The following CAPZA1 variants were observed in gnomAD, a reference collection of about 807,000 sequenced individuals.
CAPZA1 encodes capping actin protein of muscle Z-line subunit alpha 1.
In CAPZA1, 10 loss-of-function variants were observed where a neutral mutation model predicts 40.8. The ratio of observed to expected loss-of-function variants is 0.25; its 90% CI spans 0.15 to 0.42. The LOEUF (loss-of-function observed/expected upper bound fraction) is 0.42. Among genes scored for constraint, CAPZA1 ranks in the 10% least tolerant of loss-of-function variants. The pLI is 1.00. For missense variants in CAPZA1, 277 were observed against 353.8 expected (o/e 0.78, Z 1.74); for synonymous variants, 98 against 115.0 (o/e 0.85, Z 0.95).
intron 7 of CAPZA1, among the ~76,000 whole-genome samples, chr1:112,665,143 C>G (rs968688631): frequency 6.0e-5 from 9 of 150,648 alleles, no homozygotes; most frequent in African/African-American, 2.0e-4. Context: ...CTCCTGGTAG[C>G]ATAGACTAGA....
chr1:112,659,571 A>C, intron 6 of CAPZA1, 130 bp from the exon 7 acceptor site: 1 of 683,850 alleles, frequency 1.5e-6, no homozygotes, highest in Non-Finnish European at 2.5e-6. Context: ...TGGAAATGAC[A>C]GTTTCTCTCT....
chr1:112,667,145 G>A lies in CAPZA1; in HGVS notation c.657G>A (p.Ser219=), dbSNP rs753229151. Residue 219 remains serine (S), a splice_region_variant and synonymous_variant, in exon 8 of 10, where the codon TCG becomes TCA. Transcript: ENST00000263168. ...ATGTACAGGATTCACTAACTGTTTC[G>A]GTGAGTATGGAATATTTAGTGTCTG... ...HKDVQDSLTV[S]NEAQTAKEFI... 23 of 1,597,360 alleles carry A rather than the reference G, an allele frequency of 1.4e-5. No individual in the cohort carries two copies. In the Admixed American group the frequency reaches 2.0e-4, roughly 14 times the overall value.
intron 3 of CAPZA1, among the ~76,000 whole-genome samples, chr1:112,650,742 G>A (rs2932529): frequency 0.8 from 122,307 of 152,252 alleles, 49,519 homozygotes; most frequent in East Asian, 0.91. Context: ...TGGATGTTGA[G>A]TATCACCTAA....
intron 7 of CAPZA1, among the ~76,000 whole-genome samples, chr1:112,662,086 G>A (rs572253381): frequency 6.6e-6 from 1 of 152,250 alleles, no homozygotes; most frequent in Non-Finnish European, 1.5e-5. Flanking sequence ...CCTAGAAAAG[G>A]TCTTAGAACA....
intron 2 of CAPZA1, among the ~76,000 whole-genome samples, chr1:112,647,849 C>T (rs1671311897): frequency 6.6e-6 from 1 of 152,172 alleles, no homozygotes; most frequent in Admixed American, 6.5e-5. Flanking sequence ...TTACAACTTT[C>T]CATACTATCT....
intron 8 of CAPZA1, among the ~76,000 whole-genome samples, chr1:112,667,908 A>C (rs974166354): frequency 2.6e-5 from 4 of 152,048 alleles, no homozygotes; most frequent in African/African-American, 9.7e-5. Flanking sequence ...TACTTCTTTA[A>C]GTTATTAGAA....
At chr1:112,669,398 A>C (rs915792755) in intron 8 of CAPZA1, 145 bp from the exon 9 acceptor site, 1 of 674,666 alleles carries the variant, frequency 1.5e-6, no homozygotes, top group African/African-American at 1.8e-5. Flanking sequence ...TGTTGTGAGA[A>C]TCAAAGGAGG....
chr1:112,624,823 A>G (rs962441328), intron 1 of CAPZA1, among the ~76,000 whole-genome samples: 2 of 152,108 alleles, frequency 1.3e-5, no homozygotes, highest in Admixed American at 6.5e-5. Context: ...TTAATTAACT[A>G]TTTCAAACTC....
In CAPZA1 at chr1:112,667,105, T is replaced by G; in HGVS notation, c.617T>G (p.Leu206Trp). The G allele has an allele frequency of 6.2e-7, 1 of 1,612,802 alleles. No individual in the cohort carries two copies. The highest frequency in any genetic ancestry group is 8.5e-7 in the Non-Finnish European group (1 of 1,179,432). Residue 206 changes from leucine (L) to tryptophan (W), a missense_variant, in exon 8 of 10, where the codon TTG becomes TGG. Transcript: ENST00000263168. Reference protein sequence around the residue: ...VHYYEDGNVQLVSHKDVQDSL... With the variant: ...VHYYEDGNVQWVSHKDVQDSL... ...TATTATGAAGATGGCAATGTTCAGT[T>G]GGTTAGTCATAAAGATGTACAGGAT...
intron 7 of CAPZA1, among the ~76,000 whole-genome samples, chr1:112,662,818 G>A (rs888065074): frequency 3.9e-5 from 6 of 151,920 alleles, no homozygotes; most frequent in Non-Finnish European, 5.9e-5. Context: ...CTTTATTCTC[G>A]AACAAAAAGA....
In CAPZA1 at chr1:112,657,653, A is replaced by G. The variant is rs532052765; in HGVS notation, c.427-1369A>G. On this transcript the variant is annotated intron_variant, in intron 5 of 9. Coordinates refer to ENST00000263168, the MANE Select transcript of CAPZA1 (RefSeq NM_006135.3). ...TTTGCCCAGGCTGGCGTACAGTGGCATGATCTCAGCTCACTGCAACCTCCG... is the reference window on the plus strand; with the variant it reads ...TTTGCCCAGGCTGGCGTACAGTGGCGTGATCTCAGCTCACTGCAACCTCCG... Among the ~76,000 whole-genome samples the G allele has an allele frequency of 1.3e-4, 20 of 151,808 alleles. No individual in the cohort carries two copies. In the East Asian group the frequency reaches 1.4e-3, roughly 10 times the overall value.
At chr1:112,619,964 G>A (rs1670555337) in intron 1 of CAPZA1, 81 bp downstream of exon 1, 11 of 1,151,060 alleles carry the variant, frequency 9.6e-6, no homozygotes, top group Non-Finnish European at 8.9e-6. Flanking sequence ...GAGCCTAGCA[G>A]TGTCCCCAGG....
intron 1 of CAPZA1, among the ~76,000 whole-genome samples, chr1:112,622,453 C>T (rs1670695307): frequency 6.6e-6 from 1 of 152,150 alleles, no homozygotes; most frequent in Admixed American, 6.5e-5. Flanking sequence ...ACATGCTTAG[C>T]AAGACCAAGA....
intron 3 of CAPZA1, among the ~76,000 whole-genome samples, chr1:112,650,424 A>T (rs778928087): frequency 2.0e-5 from 3 of 152,174 alleles, no homozygotes; most frequent in Non-Finnish European, 4.4e-5. Context: ...TTATACATTG[A>T]TTTAAGGAAG....
At chr1:112,653,450 T>A in intron 3 of CAPZA1, 148 bp from the exon 4 acceptor site, 1 of 591,272 alleles carries the variant, frequency 1.7e-6, no homozygotes, top group Non-Finnish European at 2.9e-6. Context: ...TAACACTGGA[T>A]GTCTGGGGAG....
In CAPZA1 at chr1:112,670,312, C is replaced by G. The variant is rs1490804334; in HGVS notation, c.*180C>G. On this transcript the variant is annotated 3_prime_UTR_variant, in exon 10 of 10. Coordinates refer to ENST00000263168, the MANE Select transcript of CAPZA1 (RefSeq NM_006135.3). ...CGTTGTCTTGATTCTTTTGTGTTCTCTGCCTTGTAATTTTCTGTTACTGCT... is the reference window on the plus strand; with the variant it reads ...CGTTGTCTTGATTCTTTTGTGTTCTGTGCCTTGTAATTTTCTGTTACTGCT... 3 of 526,510 alleles carry G rather than the reference C, an allele frequency of 5.7e-6. No homozygotes were observed. Among genetic ancestry groups the G allele is most frequent in the Non-Finnish European group, 3.3e-6 (1 of 305,940 alleles). The allele number at this position is 526,510 out of a possible 1,614,324, so 32.6% of individuals were successfully genotyped here. A position where few individuals can be genotyped will look rare whatever the true frequency, so the allele number is the denominator to read the frequency against.
At chr1:112,620,060 T>G (rs1670567467) in intron 1 of CAPZA1, 177 bp downstream of exon 1, 1 of 563,708 alleles carries the variant, frequency 1.8e-6, no homozygotes, top group Non-Finnish European at 3.2e-6. Flanking sequence ...TGCCTCACGG[T>G]GGCCCCAGTT....
chr1:112,626,792 T>G (rs1670816801), intron 1 of CAPZA1, among the ~76,000 whole-genome samples: 1 of 152,230 alleles, frequency 6.6e-6, no homozygotes. Context: ...TGTGTAAAAT[T>G]TATCTTTGGT....
chr1:112,642,423 G>A (rs1259437726), intron 1 of CAPZA1, among the ~76,000 whole-genome samples: 2 of 151,436 alleles, frequency 1.3e-5, no homozygotes, highest in Admixed American at 1.3e-4. Context: ...CACCATCTTG[G>A]CCAGGCTGGT....
Sources: gnomAD v4.1 joint callset for allele counts (sites outside exome capture counted in the v4.1 genomes callset) on GRCh38, gnomAD v4.1.1 for gene constraint, MANE v1.5 for transcripts, NCBI Gene and HGNC (gene_info 2026-07-23, HGNC 2026-07-21) for gene names.